CAPRIN2: variants seen among roughly 807,000 people sequenced by gnomAD.
CAPRIN2 encodes the protein caprin-2.
In CAPRIN2, 66 loss-of-function variants were observed where a neutral mutation model predicts 130.4. The observed-to-expected ratio is 0.51, with a 90% CI of 0.42 to 0.62. CAPRIN2 has a LOEUF of 0.62. Among genes scored for constraint, CAPRIN2 ranks in the 20% least tolerant of loss-of-function variants. CAPRIN2 has a pLI of 0.00. For synonymous variants in CAPRIN2, 471 were observed against 444.1 expected, an observed-to-expected ratio of 1.06 and a Z score of -0.76; for missense variants, 1,185 against 1,246.6, an observed-to-expected ratio of 0.95 and a Z score of 0.74.
chr12:30,734,596 A>G (rs1403903915), intron 4 of CAPRIN2, among the ~76,000 whole-genome samples: 1 of 152,226 alleles, frequency 6.6e-6, no homozygotes, highest in Non-Finnish European at 1.5e-5. Flanking sequence ...AGCAGGAGTA[A>G]GAAGGCAACT....
intron 3 of CAPRIN2, among the ~76,000 whole-genome samples, chr12:30,735,590 G>A (rs1004239054): frequency 2.0e-5 from 3 of 151,392 alleles, no homozygotes; most frequent in African/African-American, 7.3e-5. Context: ...ATATTCCAGG[G>A]GAAAAAATAT....
At chr12:30,718,398 T>C (rs138428292) in intron 12 of CAPRIN2, among the ~76,000 whole-genome samples, 15 of 152,264 alleles carry the variant, frequency 9.9e-5, no homozygotes, top group East Asian at 3.9e-4. Context: ...CTGGCCCCAC[T>C]ACCACCATCA....
At chr12:30,730,985 C>T (rs1029286655) in intron 6 of CAPRIN2, among the ~76,000 whole-genome samples, 1 of 152,160 alleles carries the variant, frequency 6.6e-6, no homozygotes, top group African/African-American at 2.4e-5. Flanking sequence ...ATTACATCCT[C>T]ATTCCACTAC....
chr12:30,725,765 A>C (rs1456108490), intron 9 of CAPRIN2, among the ~76,000 whole-genome samples: 1 of 152,080 alleles, frequency 6.6e-6, no homozygotes, highest in Non-Finnish European at 1.5e-5. Context: ...CAAACTTAGA[A>C]AGTAGGAACA....
chr12:30,710,566 A>C lies in CAPRIN2; in HGVS notation c.2666-96T>G. 2.6e-6 allele frequency: 4 copies of C among 1,546,924 alleles called. No individual in the cohort carries two copies. Among genetic ancestry groups the C allele is most frequent in the African/African-American group, 1.4e-5 (1 of 72,864 alleles). On this transcript the variant is annotated intron_variant, in intron 16 of 16. Transcript: ENST00000298892. This position sits in a 1 kb window ranked among gnomAD's most constrained non-coding sequence, Gnocchi z 4.8. ...CGGCTACTGAAACAGACAAAGATAC[A>C]TTTTATAGTAAATTCCAAAACAAAA...
At chr12:30,717,715 GGT>G (rs1565562648) in intron 12 of CAPRIN2, among the ~76,000 whole-genome samples, 1 of 152,020 alleles carries the variant, frequency 6.6e-6, no homozygotes, top group African/African-American at 2.4e-5. Flanking sequence ...GCTATACAAG[GGT>G]AAGGGGTCTT....
At chr12:30,720,876 A>T in exon 12 of CAPRIN2, 1 of 1,613,900 alleles carries the variant, frequency 6.2e-7, no homozygotes, top group Non-Finnish European at 8.5e-7. Flanking sequence ...GTAGTAACCA[A>T]GCAAGCATTT....
intron 3 of CAPRIN2, among the ~76,000 whole-genome samples, chr12:30,737,447 G>A (rs760604039): frequency 9.2e-5 from 14 of 152,058 alleles, no homozygotes; most frequent in Non-Finnish European, 2.1e-4. Flanking sequence ...TCACAATCAG[G>A]TGTCATGAAA....
At chr12:30,733,700 T>C in exon 5 of CAPRIN2, 1 of 1,613,274 alleles carries the variant, frequency 6.2e-7, no homozygotes, top group African/African-American at 1.3e-5. Context: ...CTGCTCCATC[T>C]GGTCTTCAAC....
chr12:30,732,839 G>A (rs896803527), intron 5 of CAPRIN2, among the ~76,000 whole-genome samples: 5 of 151,964 alleles, frequency 3.3e-5, no homozygotes, highest in Admixed American at 2.0e-4. Context: ...ATATGAACAC[G>A]TCTTCATTTA....
At chr12:30,746,486 G>A (rs1336522913) in intron 2 of CAPRIN2, among the ~76,000 whole-genome samples, 1 of 152,210 alleles carries the variant, frequency 6.6e-6, no homozygotes, top group Non-Finnish European at 1.5e-5. Context: ...GGGTGATGAT[G>A]ATGTGTCAAC....
At chr12:30,721,909 T>C (rs2137103030) in intron 11 of CAPRIN2, among the ~76,000 whole-genome samples, 1 of 152,330 alleles carries the variant, frequency 6.6e-6, no homozygotes, top group South Asian at 2.1e-4. Flanking sequence ...ATAACTTAGA[T>C]CTGGCCAAAA....
intron 14 of CAPRIN2, among the ~76,000 whole-genome samples, chr12:30,714,672 C>G (rs1333273789): frequency 6.6e-6 from 1 of 152,042 alleles, no homozygotes; most frequent in African/African-American, 2.4e-5. Flanking sequence ...AGAGTTAAGT[C>G]AACAAAAGAA....
intron 16 of CAPRIN2, 83 bp downstream of exon 18, chr12:30,711,483 C>A: frequency 9.0e-7 from 1 of 1,109,610 alleles, no homozygotes; most frequent in Non-Finnish European, 1.4e-6. Context: ...AAGCAATGTG[C>A]TTTGGAAAGA....
intron 7 of CAPRIN2, among the ~76,000 whole-genome samples, chr12:30,729,633 C>G (rs2061980801): frequency 6.6e-6 from 1 of 152,210 alleles, no homozygotes; most frequent in Non-Finnish European, 1.5e-5. Context: ...GCTGTTCCGC[C>G]TTTGCCAGCC....
intron 12 of CAPRIN2, chr12:30,719,622 A>G (rs934813610): frequency 6.4e-6 from 1 of 156,452 alleles, no homozygotes; most frequent in African/African-American, 2.4e-5. Context: ...TCTCTATTTT[A>G]AAGACTTATT....
intron 2 of CAPRIN2, among the ~76,000 whole-genome samples, chr12:30,750,236 C>T (rs1312437261): frequency 5.9e-5 from 9 of 152,178 alleles, no homozygotes; most frequent in East Asian, 1.9e-4. Flanking sequence ...AGAGGAGTCA[C>T]TATGGAATGG....
At chr12:30,736,333 C>G (rs1188113184) in intron 3 of CAPRIN2, among the ~76,000 whole-genome samples, 2 of 151,106 alleles carry the variant, frequency 1.3e-5, no homozygotes, top group Non-Finnish European at 2.9e-5. Flanking sequence ...CTTTTCCCTC[C>G]ATAGTTTTTG....
intron 3 of CAPRIN2, among the ~76,000 whole-genome samples, chr12:30,737,476 A>G (rs1455439211): frequency 6.6e-6 from 1 of 152,040 alleles, no homozygotes; most frequent in Non-Finnish European, 1.5e-5. Context: ...ACAAGAGCCA[A>G]TTTCTCCTTC....
Sources: allele counts gnomAD v4.1 joint callset (sites outside exome capture counted in the v4.1 genomes callset), GRCh38; gene constraint gnomAD v4.1.1; non-coding constraint Gnocchi (gnomAD v3.1); transcripts MANE v1.5; gene names NCBI Gene and HGNC (gene_info 2026-07-23, HGNC 2026-07-21).